The following TNS4 variants were observed in gnomAD, a reference collection of about 807,000 sequenced individuals.
The protein encoded by TNS4 is tensin-4.
TNS4 carries 46 observed loss-of-function variants against 70.4 expected under a neutral mutation model. The ratio of observed to expected loss-of-function variants is 0.65; its 90% CI spans 0.52 to 0.84. The LOEUF is 0.84. Among genes scored for constraint, TNS4 ranks in the 40% least tolerant of loss-of-function variants. The probability of loss-of-function intolerance (pLI) is 0.00; values close to 1 mark genes in which losing one functional copy is unlikely to be tolerated. For synonymous variants in TNS4, 390 were observed against 366.6 expected, an observed-to-expected ratio of 1.06 and a Z score of -0.73; for missense variants, 863 against 907.0, an observed-to-expected ratio of 0.95 and a Z score of 0.62.
chr17:40,496,491 T>A lies in TNS4; in HGVS notation c.-66A>T. 2.0e-6 allele frequency: 3 copies of A among 1,497,986 alleles called. No homozygotes were observed. The highest frequency in any genetic ancestry group is 2.7e-6 in the Non-Finnish European group (3 of 1,119,638). The allele number at this position is 1,497,986 out of a possible 1,614,324, so 92.8% of individuals were successfully genotyped here. A position where few individuals can be genotyped will look rare whatever the true frequency, so the allele number is the denominator to read the frequency against. On this transcript the variant is annotated 5_prime_UTR_variant, in exon 2 of 13. Transcript: ENST00000254051. ...ACCAGCCTCACTGACATCCCAGAGA[T>A]CTCACTTGCTAACCAGGAGCTCCCA... is the stretch of plus-strand genomic sequence containing the variant.
At chr17:40,485,495 C>T (rs77794417) in intron 4 of TNS4, among the ~76,000 whole-genome samples, 154 of 152,338 alleles carry the variant, frequency 1.0e-3, no homozygotes, top group Non-Finnish European at 1.6e-3. Flanking sequence ...AAACATGCCC[C>T]TGGGAGGCGG....
At chr17:40,499,651 C>T (rs2143838111) in intron 1 of TNS4, among the ~76,000 whole-genome samples, 1 of 152,340 alleles carries the variant, frequency 6.6e-6, no homozygotes, top group African/African-American at 2.4e-5. Context: ...CGGGGCATCC[C>T]GGGCACGGGA....
At position 40,480,683 on chromosome 17, in the gene TNS4, C is replaced by T. The variant is rs747962092; in HGVS notation, c.1741+17G>A. ...GGGCACAGCCAAGCTTGGCGCCTCC[C>T]TTCCTGTACCACTCACCCGCAGATT... is the stretch of plus-strand genomic sequence containing the variant. On this transcript the variant is annotated intron_variant, in intron 9 of 12. Coordinates refer to ENST00000254051, the MANE Select transcript of TNS4 (RefSeq NM_032865.6). The T allele has an allele frequency of 2.6e-6, 4 of 1,524,400 alleles. No individual in the cohort carries two copies. Among genetic ancestry groups the T allele is most frequent in the Middle Eastern group, 1.8e-4 (1 of 5,630 alleles). The allele number at this position is 1,524,400 out of a possible 1,614,324, so 94.4% of individuals were successfully genotyped here.
At chr17:40,484,669 C>G in intron 5 of TNS4, 60 bp from the exon 6 acceptor site, 1 of 1,599,366 alleles carries the variant, frequency 6.3e-7, no homozygotes, top group Admixed American at 1.7e-5. Flanking sequence ...TGTCCCCAGC[C>G]CCGTAGGGTC....
At position 40,484,617 on chromosome 17, in the gene TNS4, A is replaced by T. The variant is rs1442638231; in HGVS notation, c.1376-8T>A. The T allele has an allele frequency of 6.2e-7, 1 of 1,611,464 alleles. No individual in the cohort carries two copies. Among genetic ancestry groups the T allele is most frequent in the Admixed American group, 1.7e-5 (1 of 60,000 alleles). On this transcript the variant is annotated splice_polypyrimidine_tract_variant and splice_region_variant and intron_variant, in intron 5 of 12. Coordinates refer to ENST00000254051, the MANE Select transcript of TNS4 (RefSeq NM_032865.6). ...TCCTCAGCAGCTCGATTGCTGGAACAATCCTTGAGTCAGAGATGGACACCG... is the reference window on the plus strand; with the variant it reads ...TCCTCAGCAGCTCGATTGCTGGAACTATCCTTGAGTCAGAGATGGACACCG...
intron 1 of TNS4, among the ~76,000 whole-genome samples, chr17:40,500,704 GT>G (rs1348398825): frequency 6.6e-6 from 1 of 152,146 alleles, no homozygotes; most frequent in Non-Finnish European, 1.5e-5. Context: ...TGGGGCAAGG[GT>G]AAAGCCTGAG....
At chr17:40,484,027 A>T (rs560291157) in intron 6 of TNS4, among the ~76,000 whole-genome samples, 1 of 152,336 alleles carries the variant, frequency 6.6e-6, no homozygotes, top group African/African-American at 2.4e-5. Flanking sequence ...TTTGCTATCA[A>T]ATAAGCATGG....
intron 3 of TNS4, among the ~76,000 whole-genome samples, chr17:40,487,919 C>T (rs2036013655): frequency 6.6e-6 from 1 of 152,242 alleles, no homozygotes; most frequent in Non-Finnish European, 1.5e-5. Flanking sequence ...AGACTTCTTC[C>T]TGAGCTCAGG....
chr17:40,489,107 C>T, intron 2 of TNS4, 138 bp from the exon 3 acceptor site: 1 of 739,336 alleles, frequency 1.4e-6, no homozygotes, highest in East Asian at 3.0e-5. Context: ...GAGAGGAGAG[C>T]CCAACTCCAC....
intron 12 of TNS4, chr17:40,477,996 A>C: frequency 5.0e-6 from 3 of 598,850 alleles, no homozygotes; most frequent in Non-Finnish European, 8.8e-6. Context: ...ATTCCCCATT[A>C]GAGTGGAAGC....
At chr17:40,481,183 C>T (rs547706276) in intron 8 of TNS4, among the ~76,000 whole-genome samples, 26 of 152,182 alleles carry the variant, frequency 1.7e-4, no homozygotes, top group Non-Finnish European at 2.9e-4. Flanking sequence ...GCTTCTCCTG[C>T]ACACCCCTGA....
intron 1 of TNS4, among the ~76,000 whole-genome samples, chr17:40,498,835 C>T (rs983682161): frequency 7.9e-5 from 12 of 152,152 alleles, no homozygotes; most frequent in African/African-American, 2.2e-4. Flanking sequence ...AGGTGTGAGC[C>T]GCTGTGCCTG....
chr17:40,488,497 T>A (rs761507680), intron 3 of TNS4, 49 bp downstream of exon 3: 2 of 1,453,412 alleles, frequency 1.4e-6, no homozygotes, highest in South Asian at 3.3e-5. Context: ...GGTGCATGCG[T>A]GCGTGTGCCT....
In TNS4 at chr17:40,483,485, G is replaced by A. The variant is rs181593223; in HGVS notation, c.1501+999C>T. On this transcript the variant is annotated intron_variant, in intron 6 of 12. Transcript: ENST00000254051. The stretch of plus-strand genomic sequence containing the variant: ...CAAAGTGCTGGGATTACTGGCGTGA[G>A]CCACTGTGCCTGGCAAGGAAACTTC... Among the ~76,000 whole-genome samples the A allele has an allele frequency of 6.5e-3, 986 of 152,324 alleles. 1 individual carries two copies. The highest frequency in any genetic ancestry group is 9.9e-3 in the Non-Finnish European group (675 of 68,030).
intron 3 of TNS4, 37 bp downstream of exon 3, chr17:40,488,509 T>A: frequency 2.0e-6 from 3 of 1,481,726 alleles, no homozygotes; most frequent in Non-Finnish European, 2.7e-6. Context: ...CGTGTGCCTG[T>A]GTGTGTGTGT....
chr17:40,493,347 G>T (rs1167135566), intron 2 of TNS4, among the ~76,000 whole-genome samples: 1 of 152,276 alleles, frequency 6.6e-6, no homozygotes, highest in South Asian at 2.1e-4. Context: ...AATGGCAGGG[G>T]ATCCTCCACT....
At position 40,484,968 on chromosome 17, in the gene TNS4, AT is replaced by A; in HGVS notation, c.1327del (p.Met443TrpfsTer21). ...RDMQPTMKFVMDTSKYWFKPN... is the reference protein window; with the variant it reads ...RDMQPTMKFVXDTSKYWFKPN... ...CTTAAACCAGTATTTAGATGTGTCC[AT>A]CACGAACTTCATGGTGGGCTGCATG... On this transcript the variant is annotated frameshift_variant, in exon 5 of 13. Transcript: ENST00000254051. LOFTEE classifies it high-confidence loss of function. 1 of 1,614,234 alleles carries A rather than the reference AT, an allele frequency of 6.2e-7. No homozygotes were observed. The highest frequency in any genetic ancestry group is 2.2e-5 in the East Asian group (1 of 44,880).
chr17:40,481,745 G>A (rs2035924068), intron 8 of TNS4, among the ~76,000 whole-genome samples: 1 of 152,248 alleles, frequency 6.6e-6, no homozygotes, highest in Admixed American at 6.5e-5. Context: ...GAATGGGTGA[G>A]TGAGTGCTCA....
chr17:40,485,059 AG>A (rs1224980086), intron 4 of TNS4, 52 bp from the exon 5 acceptor site: 2 of 1,520,840 alleles, frequency 1.3e-6, no homozygotes, highest in African/African-American at 1.4e-5. Flanking sequence ...ACGGGAGCTG[AG>A]GGATGTTCAC....
Sources: gnomAD v4.1 joint callset for allele counts (sites outside exome capture counted in the v4.1 genomes callset) on GRCh38, gnomAD v4.1.1 for gene constraint, MANE v1.5 for transcripts, NCBI Gene and HGNC (gene_info 2026-07-23, HGNC 2026-07-21) for gene names.